Variants in GATA3 observed in about 807,000 individuals in gnomAD.
GATA3 encodes the protein GATA binding protein 3, also known as trans-acting T-cell-specific transcription factor GATA-3.
In GATA3, 6 loss-of-function variants were observed where a neutral mutation model predicts 36.0. The observed-to-expected ratio is 0.17, with a 90% CI of 0.09 to 0.33. The LOEUF (loss-of-function observed/expected upper bound fraction) is 0.33, where lower values mean the gene tolerates loss of function less well. Among genes scored for constraint, GATA3 ranks in the 10% least tolerant of loss-of-function variants. GATA3 has a pLI of 1.00. For synonymous variants in GATA3, 326 were observed against 273.0 expected (o/e 1.19, Z -1.92); for missense variants, 514 against 610.1 (o/e 0.84, Z 1.66).
intron 2 of GATA3, among the ~76,000 whole-genome samples, chr10:8,057,518 G>C (rs1393518608): frequency 6.6e-6 from 1 of 152,146 alleles, no homozygotes; most frequent in Non-Finnish European, 1.5e-5. Context: ...AGGGTGCATG[G>C]GGCTTACGTT....
Position 8,055,291 on chromosome 10 carries a change from C to T in GATA3, c.-365C>T, listed in dbSNP as rs771883196. Reference sequence around the variant, plus strand: ...CTCCCATTCTCTCCCTTGCAGGTGACCCGAGGAGGGACTCCGCCTCCGAGC... The same window carrying T: ...CTCCCATTCTCTCCCTTGCAGGTGATCCGAGGAGGGACTCCGCCTCCGAGC... On this transcript the variant is annotated 5_prime_UTR_variant, in exon 2 of 6. Coordinates refer to ENST00000379328, the MANE Select transcript of GATA3 (RefSeq NM_001002295.2). The surrounding 1 kb of genome is among the most constrained non-coding windows in gnomAD (Gnocchi z 5.4). 2.8e-5 allele frequency: 12 copies of T among 421,428 alleles called. No homozygotes were observed. Among genetic ancestry groups the T allele is most frequent in the East Asian group, 4.6e-5 (1 of 21,728 alleles). 26.1% of individuals were successfully genotyped at this position (421,428 alleles called of 1,614,324 possible).
chr10:8,055,418 G>T lies in GATA3; in HGVS notation c.-238G>T. The T allele has an allele frequency of 1.7e-6, 1 of 587,030 alleles. No individual in the cohort carries two copies. Among genetic ancestry groups the T allele is most frequent in the Non-Finnish European group, 3.0e-6 (1 of 331,666 alleles). 36.4% of individuals were successfully genotyped at this position (587,030 alleles called of 1,614,324 possible). ...TTTTATTCTGCCGTACCCAGTTTTT[G>T]GATTTTTGTCTTCCCCTTCTTCTCT... is the stretch of plus-strand genomic sequence containing the variant. On this transcript the variant is annotated 5_prime_UTR_variant, in exon 2 of 6. Coordinates refer to ENST00000379328, the MANE Select transcript of GATA3 (RefSeq NM_001002295.2). This position sits in a 1 kb window ranked among gnomAD's most constrained non-coding sequence, Gnocchi z 5.4.
At chr10:8,052,901 G>GC (rs1008095341), upstream of GATA3, 1 of 150,676 alleles carries the variant, frequency 6.6e-6, no homozygotes, top group Non-Finnish European at 1.5e-5. Context: ...ACGTGGCGGG[G>GC]GGGGGGGGAG....
intron 4 of GATA3, among the ~76,000 whole-genome samples, chr10:8,068,174 G>GAA (rs11567927): frequency 1.3e-5 from 2 of 151,878 alleles, no homozygotes; most frequent in East Asian, 1.9e-4. Flanking sequence ...AAAAGTGAAA[G>GAA]AAAAATCTCT....
intron 2 of GATA3, among the ~76,000 whole-genome samples, chr10:8,056,149 C>T (rs1365596133): frequency 1.3e-5 from 2 of 152,136 alleles, no homozygotes; most frequent in African/African-American, 2.4e-5. Flanking sequence ...GCTCACCTGG[C>T]GGGCGCCAGG....
intron 3 of GATA3, 91 bp from the exon 4 acceptor site, chr10:8,063,902 C>T: frequency 3.8e-6 from 6 of 1,581,782 alleles, no homozygotes; most frequent in Non-Finnish European, 5.2e-6. Context: ...AAAAAGTTCT[C>T]CATTTTACGT....
At chr10:8,056,678 T>C (rs11567891) in intron 2 of GATA3, among the ~76,000 whole-genome samples, 1,776 of 152,264 alleles carry the variant, frequency 0.012, 13 homozygotes, top group African/African-American at 0.017. Context: ...CTCTGGGTAC[T>C]GCCCTCCATT....
intron 2 of GATA3, among the ~76,000 whole-genome samples, chr10:8,056,275 A>G (rs1253208952): frequency 1.3e-5 from 2 of 151,968 alleles, no homozygotes; most frequent in African/African-American, 4.8e-5. Flanking sequence ...TGGGCCCGGT[A>G]GCCGGCGCCG....
intron 3 of GATA3, among the ~76,000 whole-genome samples, chr10:8,059,196 A>T (rs529546465): frequency 6.6e-6 from 1 of 152,298 alleles, no homozygotes; most frequent in East Asian, 1.9e-4. Context: ...CCGAGGGAAT[A>T]ATTCTTGAGT....
At chr10:8,062,111 C>G (rs1261294458) in intron 3 of GATA3, among the ~76,000 whole-genome samples, 3 of 152,228 alleles carry the variant, frequency 2.0e-5, no homozygotes, top group African/African-American at 7.2e-5. Flanking sequence ...CAGCCTCCCC[C>G]ACATCCAGTC....
rs769136441 is a variant in GATA3, at chr10:8,058,792, C to A, written c.729C>A (p.Ser243=). Residue 243 remains serine, a synonymous_variant, in exon 3 of 6, where the codon TCC becomes TCA. Coordinates refer to ENST00000379328, the MANE Select transcript of GATA3 (RefSeq NM_001002295.2). ...LFPPSSLLGG[S]PTGFGCKSRP... ...CCCCCAGCAGCCTGCTGGGCGGCTCCCCCACCGGCTTCGGATGCAAGTCCA... is the reference window on the plus strand; with the variant it reads ...CCCCCAGCAGCCTGCTGGGCGGCTCACCCACCGGCTTCGGATGCAAGTCCA... 3 of 1,608,782 alleles carry A rather than the reference C, an allele frequency of 1.9e-6. No individual in the cohort carries two copies. The highest frequency in any genetic ancestry group is 2.5e-6 in the Non-Finnish European group (3 of 1,179,798).
chr10:8,063,865 C>T (rs1288370344), intron 3 of GATA3, 128 bp from the exon 4 acceptor site: 9 of 1,259,554 alleles, frequency 7.1e-6, no homozygotes, highest in South Asian at 6.3e-5. Context: ...GGGGTGGACA[C>T]GCTCCCCAAA....
intron 1 of GATA3, among the ~76,000 whole-genome samples, chr10:8,047,172 T>G (rs1276189573): frequency 6.6e-6 from 1 of 152,232 alleles, no homozygotes; most frequent in Admixed American, 6.5e-5. Context: ...AGGGGTTTTC[T>G]TTTGGGTTGT....
At chr10:8,072,604 C>T (rs388957) in intron 5 of GATA3, among the ~76,000 whole-genome samples, 11,327 of 152,272 alleles carry the variant, frequency 0.074, 796 homozygotes, top group African/African-American at 0.19. Flanking sequence ...AGAGAAATGG[C>T]AGATGTCTCC....
intron 3 of GATA3, among the ~76,000 whole-genome samples, chr10:8,063,555 C>G (rs1426188402): frequency 6.6e-6 from 1 of 152,234 alleles, no homozygotes; most frequent in Non-Finnish European, 1.5e-5. Context: ...TATAGACAGA[C>G]CCATGATGAT....
At chr10:8,052,899 G>C (rs546838707), upstream of GATA3, 22 of 109,152 alleles carry the variant, frequency 2.0e-4, 1 homozygote, top group African/African-American at 6.5e-4. Flanking sequence ...AAACGTGGCG[G>C]GGGGGGGGGG....
chr10:8,048,938 G>C (rs560460613), upstream of GATA3, among the ~76,000 whole-genome samples: 3 of 151,894 alleles, frequency 2.0e-5, no homozygotes, highest in African/African-American at 4.8e-5. Context: ...AGTGGAGGCC[G>C]GGGCCGGGCT....
chr10:8,072,964 G>A, intron 5 of GATA3, among the ~76,000 whole-genome samples: 1 of 151,940 alleles, frequency 6.6e-6, no homozygotes, highest in East Asian at 1.9e-4. Context: ...GCCCAATATG[G>A]TGAAACCCCG....
At chr10:8,060,787 G>A (rs1231301984) in intron 3 of GATA3, among the ~76,000 whole-genome samples, 1 of 152,188 alleles carries the variant, frequency 6.6e-6, no homozygotes, top group African/African-American at 2.4e-5. Context: ...GAAAGAGAGG[G>A]CCGTGGTTTC....
Sources: allele counts gnomAD v4.1 joint callset (sites outside exome capture counted in the v4.1 genomes callset), GRCh38; gene constraint gnomAD v4.1.1; non-coding constraint Gnocchi (gnomAD v3.1); transcripts MANE v1.5; gene names NCBI Gene and HGNC (gene_info 2026-07-23, HGNC 2026-07-21).